The following TENM2 variants were observed in gnomAD, a reference collection of about 807,000 sequenced individuals.
TENM2 encodes teneurin transmembrane protein 2.
TENM2 carries 52 observed loss-of-function variants against 245.2 expected under a neutral mutation model. The ratio of observed to expected loss-of-function variants is 0.21; its 90% CI spans 0.17 to 0.27. The LOEUF (loss-of-function observed/expected upper bound fraction) is 0.27, where lower values mean the gene tolerates loss of function less well. TENM2 is among the 10% of genes least tolerant of loss of function. The pLI, the probability that TENM2 is intolerant of heterozygous loss-of-function variation, is 1.00. For missense variants in TENM2, 3,046 were observed against 3,666.8 expected, an observed-to-expected ratio of 0.83 and a Z score of 4.37; for synonymous variants, 1,363 against 1,438.9, an observed-to-expected ratio of 0.95 and a Z score of 1.19.
At chr5:167,528,182 A>G (rs1275763363) in intron 2 of TENM2, among the ~76,000 whole-genome samples, 1 of 152,174 alleles carries the variant, frequency 6.6e-6, no homozygotes, top group East Asian at 1.9e-4. Flanking sequence ...TGAATGATGC[A>G]GTGTGACAGT....
chr5:167,078,611 G>C, the TENM2 span, among the ~76,000 whole-genome samples: 1 of 152,116 alleles, frequency 6.6e-6, no homozygotes, highest in Admixed American at 6.6e-5. Context: ...ATTCCCAACA[G>C]TCATGTTCCT....
chr5:167,395,255 G>C (rs1231260999), intron 2 of TENM2, among the ~76,000 whole-genome samples: 1 of 152,100 alleles, frequency 6.6e-6, no homozygotes, highest in Non-Finnish European at 1.5e-5. Flanking sequence ...TGCTATTATA[G>C]TGGGATTTTT....
chr5:168,178,764 C>T (rs1759582033), intron 13 of TENM2, among the ~76,000 whole-genome samples: 1 of 152,220 alleles, frequency 6.6e-6, no homozygotes, highest in Non-Finnish European at 1.5e-5. Context: ...GCTGTGACTG[C>T]TTCCAGCCCC....
intron 5 of TENM2, among the ~76,000 whole-genome samples, chr5:168,023,649 C>G (rs2151919368): frequency 6.6e-6 from 1 of 152,324 alleles, no homozygotes; most frequent in South Asian, 2.1e-4. Context: ...GTCCCAAACA[C>G]TCTGCCACAG....
intron 2 of TENM2, among the ~76,000 whole-genome samples, chr5:167,752,053 A>G (rs528030977): frequency 6.6e-6 from 1 of 152,086 alleles, no homozygotes; most frequent in South Asian, 2.1e-4. Flanking sequence ...TTGCTTTTAG[A>G]AGGACTTACA....
intron 2 of TENM2, among the ~76,000 whole-genome samples, chr5:167,655,802 G>A (rs1754804640): frequency 1.3e-5 from 2 of 152,144 alleles, no homozygotes; most frequent in South Asian, 2.1e-4. Flanking sequence ...AAACGTTTTT[G>A]ACAGTAGATA....
intron 2 of TENM2, among the ~76,000 whole-genome samples, chr5:167,604,195 T>C (rs1294485817): frequency 1.3e-5 from 2 of 152,178 alleles, no homozygotes; most frequent in Non-Finnish European, 1.5e-5. Context: ...ACTAAAATAA[T>C]GTCTGGTACA....
At chr5:167,589,661 AGTTT>A (rs72192255) in intron 2 of TENM2, among the ~76,000 whole-genome samples, 27 of 152,098 alleles carry the variant, frequency 1.8e-4, no homozygotes, top group Middle Eastern at 3.4e-3. Context: ...ATCCCATCCA[AGTTT>A]GTTTGTTTGT....
chr5:167,035,309 A>G, the TENM2 span, among the ~76,000 whole-genome samples: 1 of 152,202 alleles, frequency 6.6e-6, no homozygotes, highest in African/African-American at 2.4e-5. Flanking sequence ...CATTGGTTTG[A>G]TGCTATTAGA....
At chr5:167,504,788 G>A (rs1297778789) in intron 2 of TENM2, among the ~76,000 whole-genome samples, 1 of 152,158 alleles carries the variant, frequency 6.6e-6, no homozygotes, top group South Asian at 2.1e-4. Flanking sequence ...AGTATAGAAT[G>A]TCTTCCAAAA....
At chr5:167,069,156 T>C in the TENM2 span, among the ~76,000 whole-genome samples, 2 of 152,188 alleles carry the variant, frequency 1.3e-5, no homozygotes, top group African/African-American at 4.8e-5. Context: ...AAATTGTTAA[T>C]ATTTCTTTTA....
intron 1 of TENM2, among the ~76,000 whole-genome samples, chr5:167,370,279 T>C (rs1760328633): frequency 7.0e-6 from 1 of 142,652 alleles, no homozygotes; most frequent in Non-Finnish European, 1.5e-5. Flanking sequence ...GAGGTGGAGC[T>C]TGCAGTGAGC....
chr5:167,587,232 A>G (rs17068781), intron 2 of TENM2, among the ~76,000 whole-genome samples: 5,141 of 152,224 alleles, frequency 0.034, 237 homozygotes, highest in African/African-American at 0.1. Context: ...TTAAGGCCCA[A>G]TATATTTCTC....
chr5:167,475,228 G>T, intron 2 of TENM2, among the ~76,000 whole-genome samples: 1 of 152,148 alleles, frequency 6.6e-6, no homozygotes, highest in East Asian at 1.9e-4. Context: ...AATTAAATAC[G>T]TTGAAGAATA....
intron 2 of TENM2, among the ~76,000 whole-genome samples, chr5:167,389,819 T>C (rs1440646849): frequency 2.6e-5 from 4 of 152,200 alleles, no homozygotes; most frequent in African/African-American, 9.6e-5. Context: ...TGATCATTAA[T>C]ATTTTACCAA....
chr5:167,196,795 G>T, the TENM2 span, among the ~76,000 whole-genome samples: 1 of 151,704 alleles, frequency 6.6e-6, no homozygotes, highest in Non-Finnish European at 1.5e-5. Flanking sequence ...CACTAGAGAG[G>T]ATTTGAAGTA....
intron 2 of TENM2, among the ~76,000 whole-genome samples, chr5:167,378,692 C>G (rs1208469919): frequency 6.6e-6 from 1 of 151,910 alleles, no homozygotes; most frequent in East Asian, 1.9e-4. Flanking sequence ...AAAATATGTC[C>G]TCTCTAAGGC....
At chr5:167,900,612 T>A (rs1338225342) in intron 3 of TENM2, among the ~76,000 whole-genome samples, 1 of 152,210 alleles carries the variant, frequency 6.6e-6, no homozygotes, top group Non-Finnish European at 1.5e-5. Flanking sequence ...CCTGGATAGA[T>A]GAGGCTGATG....
At chr5:168,089,498 T>C (rs1792741871) in intron 7 of TENM2, among the ~76,000 whole-genome samples, 1 of 152,190 alleles carries the variant, frequency 6.6e-6, no homozygotes, top group South Asian at 2.1e-4. Context: ...CCCCATCCCC[T>C]TATCCTGGTA....
Sources: allele counts gnomAD v4.1 joint callset (sites outside exome capture counted in the v4.1 genomes callset), GRCh38; gene constraint gnomAD v4.1.1; transcripts MANE v1.5; gene names NCBI Gene and HGNC (gene_info 2026-07-23, HGNC 2026-07-21).